Variants in PCDH15 observed in about 807,000 individuals in gnomAD.
PCDH15 encodes the protein protocadherin-15.
In PCDH15, 129 loss-of-function variants were observed where a neutral mutation model predicts 178.5. That is an observed-to-expected ratio of 0.72 (90% CI 0.63 to 0.84). The LOEUF (loss-of-function observed/expected upper bound fraction) is 0.84, where lower values mean the gene tolerates loss of function less well. PCDH15 is among the 40% of genes least tolerant of loss of function. PCDH15 has a pLI of 0.00. For missense variants in PCDH15, 2,230 were observed against 2,099.9 expected (o/e 1.06, Z -1.21); for synonymous variants, 800 against 732.0 (o/e 1.09, Z -1.50).
chr10:54,052,623 T>G (rs2093802190), intron 18 of PCDH15, among the ~76,000 whole-genome samples: 1 of 152,280 alleles, frequency 6.6e-6, no homozygotes, highest in East Asian at 1.9e-4. Context: ...TTGTCTCAGA[T>G]GAGACTTAGG....
chr10:53,878,223 T>C (rs1447941486), intron 26 of PCDH15, among the ~76,000 whole-genome samples: 41 of 21,794 alleles, frequency 1.9e-3, no homozygotes, highest in African/African-American at 2.8e-3. Context: ...TGAATATATA[T>C]ATATATATAT....
intron 10 of PCDH15, among the ~76,000 whole-genome samples, chr10:54,196,784 T>C (rs977245409): frequency 4.6e-5 from 7 of 152,120 alleles, no homozygotes; most frequent in African/African-American, 1.2e-4. Flanking sequence ...AATGCCCTTA[T>C]AGAAAAGGGT....
At chr10:54,712,387 C>T (rs2095435759) in intron 1 of PCDH15, among the ~76,000 whole-genome samples, 2 of 151,668 alleles carry the variant, frequency 1.3e-5, no homozygotes, top group Non-Finnish European at 2.9e-5. Flanking sequence ...AGCTAAGACA[C>T]AACAAGCAGT....
At chr10:55,057,895 C>A (rs945560767) in intron 2 of PCDH15, among the ~76,000 whole-genome samples, 12 of 152,052 alleles carry the variant, frequency 7.9e-5, no homozygotes, top group African/African-American at 2.9e-4. Context: ...TTAACATATA[C>A]ACATTTTAAG....
intron 2 of PCDH15, among the ~76,000 whole-genome samples, chr10:55,393,015 GTA>G (rs1491010126): frequency 7.3e-6 from 1 of 137,162 alleles, no homozygotes; most frequent in Non-Finnish European, 1.6e-5. Context: ...GTGTGTGTGT[GTA>G]TTTTTGTTTT....
At chr10:54,734,612 T>C (rs920168072) in intron 1 of PCDH15, among the ~76,000 whole-genome samples, 1 of 152,058 alleles carries the variant, frequency 6.6e-6, no homozygotes, top group Non-Finnish European at 1.5e-5. Flanking sequence ...AATGGCTATA[T>C]TGCCCTTATT....
intron 3 of PCDH15, among the ~76,000 whole-genome samples, chr10:54,387,097 G>T (rs908953287): frequency 4.6e-5 from 7 of 151,896 alleles, no homozygotes; most frequent in African/African-American, 1.7e-4. Context: ...TTTTACAAAA[G>T]AAATATATAC....
intron 2 of PCDH15, among the ~76,000 whole-genome samples, chr10:54,558,859 G>A (rs2087666630): frequency 1.3e-5 from 2 of 151,924 alleles, no homozygotes; most frequent in African/African-American, 2.4e-5. Context: ...TTAAAAATTA[G>A]TTGATATACT....
At chr10:55,495,511 A>G (rs561954335) in intron 2 of PCDH15, among the ~76,000 whole-genome samples, 4 of 151,930 alleles carry the variant, frequency 2.6e-5, no homozygotes, top group African/African-American at 9.6e-5. Flanking sequence ...GCAAAGATTA[A>G]TGAATAGGGA....
rs192019861 is a variant in PCDH15 at position 55,027,819 on chromosome 10, G to C, written c.-79-130319C>G. Among the ~76,000 whole-genome samples the C allele has an allele frequency of 1.8e-3, 277 of 151,902 alleles. 1 individual carries two copies. Among genetic ancestry groups the C allele is most frequent in the Non-Finnish European group, 3.0e-3 (200 of 67,778 alleles). On this transcript the variant is annotated intron_variant, in intron 2 of 5. Coordinates refer to the PCDH15 transcript ENST00000458638. ...GTGTATCATCCAAGTAGCTGAGGTA[G>C]TATAATTTTTTTGTCAATTATATTT...
intron 25 of PCDH15, among the ~76,000 whole-genome samples, chr10:53,924,575 C>G (rs189135645): frequency 6.6e-6 from 1 of 152,206 alleles, no homozygotes; most frequent in Admixed American, 6.5e-5. Flanking sequence ...TGCACAGCGC[C>G]GGACTGGCGG....
intron 15 of PCDH15, among the ~76,000 whole-genome samples, chr10:54,130,798 T>C (rs1002573010): frequency 6.6e-6 from 1 of 152,182 alleles, no homozygotes; most frequent in African/African-American, 2.4e-5. Context: ...GTGAAAAGGA[T>C]GAGGATGGAG....
chr10:54,248,276 C>G lies in PCDH15; in HGVS notation c.877-11345G>C, dbSNP rs572592298. On this transcript the variant is annotated intron_variant, in intron 8 of 37. Transcript: ENST00000644397. ...TTGAAGCCAAGCTTCAAATGAGAAACTTATGAATTAAATTATTTAAAAATC... is the reference window on the plus strand; with the variant it reads ...TTGAAGCCAAGCTTCAAATGAGAAAGTTATGAATTAAATTATTTAAAAATC... Among the ~76,000 whole-genome samples the G allele has an allele frequency of 2.4e-3, 360 of 151,886 alleles. 1 individual carries two copies. Among genetic ancestry groups the G allele is most frequent in the African/African-American group, 8.4e-3 (350 of 41,498 alleles).
chr10:54,914,899 T>C (rs1461197559), intron 2 of PCDH15, among the ~76,000 whole-genome samples: 3 of 152,212 alleles, frequency 2.0e-5, no homozygotes, highest in South Asian at 4.1e-4. Context: ...ATTATCCTTA[T>C]CTGGGACATG....
intron 2 of PCDH15, among the ~76,000 whole-genome samples, chr10:55,433,368 T>C (rs928327413): frequency 5.3e-5 from 8 of 152,142 alleles, no homozygotes; most frequent in Non-Finnish European, 1.2e-4. Flanking sequence ...TAGCTAAACA[T>C]TGAATACACA....
chr10:54,757,716 G>A (rs1947344955), intron 1 of PCDH15, among the ~76,000 whole-genome samples: 1 of 152,114 alleles, frequency 6.6e-6, no homozygotes, highest in Admixed American at 6.5e-5. Context: ...ATTCCTTAAA[G>A]TTTTATTTAT....
At chr10:53,978,657 GTTTT>G (rs3066397) in intron 21 of PCDH15, among the ~76,000 whole-genome samples, 2 of 143,184 alleles carry the variant, frequency 1.4e-5, no homozygotes, top group Non-Finnish European at 1.5e-5. Context: ...TCCAGAAAAT[GTTTT>G]TTTTTTTTTT....
chr10:54,920,374 C>A (rs543963270), intron 2 of PCDH15, among the ~76,000 whole-genome samples: 42 of 141,008 alleles, frequency 3.0e-4, no homozygotes, highest in African/African-American at 1.0e-3. Context: ...GGAGATGAGG[C>A]AGGATAATGG....
At chr10:55,421,349 A>C (rs12244779) in intron 2 of PCDH15, among the ~76,000 whole-genome samples, 40,412 of 150,136 alleles carry the variant, frequency 0.27, 6,663 homozygotes, top group African/African-American at 0.47. Flanking sequence ...TATAAATAAT[A>C]TTTTATTTTT....
Sources: gnomAD v4.1 joint callset for allele counts (sites outside exome capture counted in the v4.1 genomes callset) on GRCh38, gnomAD v4.1.1 for gene constraint, MANE v1.5 for transcripts, NCBI Gene and HGNC (gene_info 2026-07-23, HGNC 2026-07-21) for gene names.